The following CD96 variants were observed in gnomAD, a reference collection of about 807,000 sequenced individuals.
The protein encoded by CD96 is CD96 molecule.
Under a neutral mutation model 71.3 loss-of-function variants are expected in CD96, and 70 were observed. That is an observed-to-expected ratio of 0.98 (90% CI 0.81 to 1.20). The LOEUF (loss-of-function observed/expected upper bound fraction) is 1.20. Among genes scored for constraint, CD96 ranks in the 50% most tolerant of loss-of-function variants. The pLI is 0.00. For synonymous variants in CD96, 248 were observed against 233.0 expected, an observed-to-expected ratio of 1.06 and a Z score of -0.59; for missense variants, 742 against 677.5, an observed-to-expected ratio of 1.10 and a Z score of -1.06.
intron 7 of CD96, among the ~76,000 whole-genome samples, chr3:111,605,420 T>C (rs1937595592): frequency 6.6e-6 from 1 of 152,160 alleles, no homozygotes; most frequent in Non-Finnish European, 1.5e-5. Flanking sequence ...GAGGGGATTA[T>C]TTGAGAGAGA....
intron 5 of CD96, among the ~76,000 whole-genome samples, chr3:111,590,707 T>A (rs1487637289): frequency 6.6e-6 from 1 of 152,186 alleles, no homozygotes; most frequent in Non-Finnish European, 1.5e-5. Context: ...TTAACCTAAA[T>A]TTCAGGGCCC....
chr3:111,561,984 G>C (rs62275473), intron 2 of CD96, among the ~76,000 whole-genome samples: 2 of 151,226 alleles, frequency 1.3e-5, no homozygotes, highest in African/African-American at 4.9e-5. Flanking sequence ...AGGTGCGTCC[G>C]TCACCCCTTT....
downstream of CD96, among the ~76,000 whole-genome samples, chr3:111,654,950 G>A (rs146089976): frequency 3.5e-3 from 533 of 152,342 alleles, no homozygotes; most frequent in South Asian, 0.012. Context: ...TATCCTGAGA[G>A]CCATGTATAA....
At chr3:111,643,188 C>T (rs34879431) in intron 12 of CD96, among the ~76,000 whole-genome samples, 6,478 of 151,498 alleles carry the variant, frequency 0.043, 188 homozygotes, top group Middle Eastern at 0.065. Context: ...ATACACAAGC[C>T]GATAAATGTG....
intron 10 of CD96, among the ~76,000 whole-genome samples, chr3:111,632,048 G>A (rs1296642438): frequency 1.3e-5 from 2 of 152,114 alleles, no homozygotes; most frequent in Admixed American, 1.3e-4. Context: ...TACCATTCAG[G>A]ATATAGGACG....
rs763123798 is a variant in CD96 at position 111,600,030 on chromosome 3, T to G, written c.899-696T>G. ...ATAACAGTTTAAAACAGAGTTTGAT[T>G]TCTAAAGAAGACTCACAGGACCCAA... On this transcript the variant is annotated intron_variant, in intron 6 of 13. Coordinates refer to ENST00000352690, the MANE Select transcript of CD96 (RefSeq NM_005816.5). Among the ~76,000 whole-genome samples the G allele has an allele frequency of 3.3e-4, 51 of 152,364 alleles. 2 individuals are homozygous for G. In the South Asian group the frequency reaches 3.9e-3, roughly 12 times the overall value.
chr3:111,605,633 A>G (rs1937602623), intron 7 of CD96, among the ~76,000 whole-genome samples: 1 of 152,218 alleles, frequency 6.6e-6, no homozygotes, highest in African/African-American at 2.4e-5. Context: ...AAGCATTCAT[A>G]TAGTAGTGGA....
At position 111,647,678 on chromosome 3, in the gene CD96, A is replaced by G. The variant is rs1307588792; in HGVS notation, c.1601+12A>G. The G allele has an allele frequency of 1.3e-6, 2 of 1,581,156 alleles. No individual in the cohort carries two copies. Among genetic ancestry groups the G allele is most frequent in the Admixed American group, 1.7e-5 (1 of 59,910 alleles). ...TACCAAAAAGAAATGTGAGTATAAT[A>G]CTAACATATGTAGGAACAGATTAAT... On this transcript the variant is annotated intron_variant, in intron 13 of 13. Transcript: ENST00000352690.
intron 14 of CD96, among the ~76,000 whole-genome samples, chr3:111,659,019 T>C (rs1940295383): frequency 6.6e-6 from 1 of 152,196 alleles, no homozygotes; most frequent in South Asian, 2.1e-4. Flanking sequence ...GGTCCAGGGC[T>C]TCTTTTGCTT....
At chr3:111,600,937 T>A (rs1475202532) in intron 7 of CD96, 23 bp downstream of exon 7, 4 of 1,452,286 alleles carry the variant, frequency 2.8e-6, no homozygotes, top group Non-Finnish European at 2.9e-6. Context: ...TTTAATAAGA[T>A]CAACAAGAGT....
chr3:111,546,753 AT>A (rs1470729200), intron 2 of CD96, among the ~76,000 whole-genome samples: 1 of 152,090 alleles, frequency 6.6e-6, no homozygotes, highest in Admixed American at 6.6e-5. Context: ...ACAGGTATGG[AT>A]TTATAGCCTC....
At chr3:111,582,223 G>A (rs1392251467) in intron 4 of CD96, among the ~76,000 whole-genome samples, 5 of 152,168 alleles carry the variant, frequency 3.3e-5, no homozygotes, top group African/African-American at 9.7e-5. Flanking sequence ...GTATGCCAAG[G>A]TAAATGGCTA....
intron 14 of CD96, among the ~76,000 whole-genome samples, chr3:111,663,907 C>A (rs997043366): frequency 1.3e-5 from 2 of 152,134 alleles, no homozygotes; most frequent in East Asian, 3.9e-4. Flanking sequence ...TGCCACCACA[C>A]GCCCAGAAAT....
intron 3 of CD96, among the ~76,000 whole-genome samples, chr3:111,573,254 A>G (rs151044317): frequency 1.9e-4 from 29 of 152,324 alleles, no homozygotes; most frequent in African/African-American, 6.7e-4. Context: ...GCAAACTATC[A>G]TCCTTGTTTC....
chr3:111,648,659 C>T lies in CD96; in HGVS notation c.1601+993C>T, dbSNP rs1221248909. 2.6e-5 allele frequency among the ~76,000 whole-genome samples: 4 copies of T among 152,278 alleles called. No homozygotes were observed. In the South Asian group the frequency reaches 6.2e-4, roughly 24 times the overall value. On this transcript the variant is annotated intron_variant, in intron 13 of 13. Coordinates refer to ENST00000352690, the MANE Select transcript of CD96 (RefSeq NM_005816.5). Reference sequence around the variant, plus strand: ...TTTATATTAAATGAACAAATGAAATCTGAAAATCTGAACTGATTTTTTAAA... The same window carrying T: ...TTTATATTAAATGAACAAATGAAATTTGAAAATCTGAACTGATTTTTTAAA...
chr3:111,606,705 G>A lies in CD96; in HGVS notation c.1093G>A (p.Glu365Lys), dbSNP rs549424202. The change falls in exon 8 of 14, where the codon GAA becomes AAA. Residue 365 changes from glutamate to lysine, a missense_variant. Glu to Lys is a moderately conservative substitution (Grantham distance 56, BLOSUM62 1). Coordinates refer to ENST00000352690, the MANE Select transcript of CD96 (RefSeq NM_005816.5). ...TCTCTTTCTAATCCTTTAAGGTTCT[G>A]AAATTTCCTCAACAGACCCTCCACT... Reference protein sequence around the residue: ...SEKITFLLGSEISSTDPPLSV... With the variant: ...SEKITFLLGSKISSTDPPLSV... 2 of 1,549,442 alleles carry A rather than the reference G, an allele frequency of 1.3e-6. No homozygotes were observed. The highest frequency in any genetic ancestry group is 2.2e-5 in the South Asian group (2 of 89,734).
At chr3:111,625,413 C>T (rs1938703119) in intron 10 of CD96, among the ~76,000 whole-genome samples, 1 of 151,764 alleles carries the variant, frequency 6.6e-6, no homozygotes, top group African/African-American at 2.4e-5. Flanking sequence ...AACCCAGTAC[C>T]CAAATATAAG....
intron 3 of CD96, among the ~76,000 whole-genome samples, chr3:111,571,213 GTTTTTGGT>G (rs1395797212): frequency 6.9e-5 from 4 of 58,096 alleles, no homozygotes; most frequent in Non-Finnish European, 1.4e-4. Context: ...TTGGTTTTTG[GTTTTTGGT>G]TTTTTTTTTT....
intron 6 of CD96, among the ~76,000 whole-genome samples, 180 bp downstream of exon 6, chr3:111,598,390 T>A (rs757564337): frequency 1.1e-4 from 16 of 152,090 alleles, no homozygotes; most frequent in Non-Finnish European, 1.9e-4. Flanking sequence ...TCCAAGGGGG[T>A]GGAGTGTAAC....
Sources: allele counts gnomAD v4.1 joint callset (sites outside exome capture counted in the v4.1 genomes callset), GRCh38; gene constraint gnomAD v4.1.1; transcripts MANE v1.5; gene names NCBI Gene and HGNC (gene_info 2026-07-23, HGNC 2026-07-21).